The following HINFP variants were observed in gnomAD, a reference collection of about 807,000 sequenced individuals.
HINFP encodes the protein MBD2 (methyl-CpG-binding protein)-interacting zinc finger protein.
In HINFP, 20 loss-of-function variants were observed where a neutral mutation model predicts 50.1. The observed-to-expected ratio is 0.40, with a 90% CI of 0.28 to 0.58. HINFP has a LOEUF of 0.58. HINFP is among the 20% of genes least tolerant of loss of function. The pLI, the probability that HINFP is intolerant of heterozygous loss-of-function variation, is 0.45. For missense variants in HINFP, 505 were observed against 664.1 expected, an observed-to-expected ratio of 0.76 and a Z score of 2.63; for synonymous variants, 247 against 243.7, an observed-to-expected ratio of 1.01 and a Z score of -0.13.
chr11:119,127,592 G>A (rs1947485857), intron 2 of HINFP: 1 of 151,408 alleles, frequency 6.6e-6, no homozygotes, highest in Non-Finnish European at 1.5e-5. Flanking sequence ...CACCCAGGTT[G>A]GAGTCCAGTG....
intron 1 of HINFP, 56 bp from the exon 2 acceptor site, chr11:119,126,879 C>T: frequency 6.6e-7 from 1 of 1,513,966 alleles, no homozygotes. Context: ...GCTTTTTGCC[C>T]TCAGCAGCAC....
rs1947772368 is a variant in HINFP at position 119,131,770 on chromosome 11, A to C, written c.524-60A>C. 2.5e-6 allele frequency: 4 copies of C among 1,609,504 alleles called. No individual in the cohort carries two copies. The highest frequency in any genetic ancestry group is 3.4e-6 in the Non-Finnish European group (4 of 1,176,996). ...CTGCCGGCTGGAGAGACTCAGGGGT[A>C]CCAGATCCTAGGCAAAACTGGGGTT... On this transcript the variant is annotated intron_variant, in intron 4 of 9. Transcript: ENST00000350777. The surrounding 1 kb of genome is among the most constrained non-coding windows in gnomAD (Gnocchi z 4.2).
In HINFP at chr11:119,134,256, C is replaced by A; in HGVS notation, c.1312C>A (p.Arg438Ser). ...AGAAACAGTGCCAGGGGAGCCAGGA[C>A]GTAAGGAAGAGGAAGAGGAGGGCAA... The part of the protein sequence containing the change: ...ILETVPGEPG[R>S]KEEEEEGKGS... The change falls in exon 10 of 10, where the codon CGT becomes AGT. Residue 438 changes from arginine to serine, a missense_variant. Physicochemically the swap from Arg to Ser is moderately radical, Grantham distance 110. Transcript: ENST00000350777. The surrounding 1 kb of genome is among the most constrained non-coding windows in gnomAD (Gnocchi z 4.3). 1 of 1,614,036 alleles carries A rather than the reference C, an allele frequency of 6.2e-7. No individual in the cohort carries two copies.
chr11:119,131,833 G>A lies in HINFP; in HGVS notation c.527G>A (p.Cys176Tyr). The A allele has an allele frequency of 1.2e-6, 2 of 1,614,000 alleles. No individual in the cohort carries two copies. The highest frequency in any genetic ancestry group is 1.7e-6 in the Non-Finnish European group (2 of 1,180,020). The change falls in exon 5 of 10, where the codon TGT (cysteine) becomes TAT (tyrosine). Residue 176 changes from cysteine (C) to tyrosine (Y), a missense_variant. Transcript: ENST00000350777. The surrounding 1 kb of genome is among the most constrained non-coding windows in gnomAD (Gnocchi z 4.2). ...ACTGATAGGGCTTCCTTCCCAGGCT[G>A]TACCTGCACCTTCAAGGACCGCAGT... Reference protein sequence around the residue: ...NPVVLCGWKGCTCTFKDRSKL... With the variant: ...NPVVLCGWKGYTCTFKDRSKL...
intron 9 of HINFP, chr11:119,133,819 T>A (rs1033377354): frequency 1.8e-6 from 1 of 567,864 alleles, no homozygotes; most frequent in African/African-American, 1.9e-5. Context: ...ATAAATCCTT[T>A]GACACTTTCA....
At chr11:119,130,561 A>G in intron 2 of HINFP, 164 bp from the exon 3 acceptor site, 2 of 615,518 alleles carry the variant, frequency 3.2e-6, no homozygotes, top group South Asian at 2.0e-5. Flanking sequence ...CACACAATTT[A>G]TGGTCATTAA....
chr11:119,124,028 C>T (rs1334001231), intron 1 of HINFP: 2 of 152,140 alleles, frequency 1.3e-5, no homozygotes, highest in African/African-American at 4.8e-5. Context: ...CCATGTTGCC[C>T]AGGCTGGTCA....
In HINFP at chr11:119,130,826, C is replaced by A; in HGVS notation, c.283C>A (p.Leu95Met). Residue 95 changes from leucine (L) to methionine (M), a missense_variant, in exon 3 of 10, where the codon CTG becomes ATG. Physicochemically the swap from Leu to Met is conservative, Grantham distance 15 (BLOSUM62 2). Coordinates refer to ENST00000350777, the MANE Select transcript of HINFP (RefSeq NM_198971.3). ...CTACTTCCACTGCTACCACACCAAGCTGAAACAGTGGGGGCTGCAGGCCTT... is the reference window on the plus strand; with the variant it reads ...CTACTTCCACTGCTACCACACCAAGATGAAACAGTGGGGGCTGCAGGCCTT... ...HVYFHCYHTK[L>M]KQWGLQALQS... The A allele has an allele frequency of 6.2e-7, 1 of 1,614,244 alleles. No individual in the cohort carries two copies. Among genetic ancestry groups the A allele is most frequent in the Non-Finnish European group, 8.5e-7 (1 of 1,180,052 alleles).
chr11:119,130,696 G>T, intron 2 of HINFP, 29 bp from the exon 3 acceptor site: 4 of 1,598,344 alleles, frequency 2.5e-6, no homozygotes, highest in South Asian at 2.2e-5. Flanking sequence ...GAAAGTGTCA[G>T]ACTCTTCCTT....
At chr11:119,130,312 TACTC>T (rs1376089512) in intron 2 of HINFP, 1 of 224,002 alleles carries the variant, frequency 4.5e-6, no homozygotes, top group Non-Finnish European at 8.9e-6. Flanking sequence ...TATTTACAGA[TACTC>T]ATCCATCGTA....
rs764862206 is a variant in HINFP at position 119,131,867 on chromosome 11, A to G, written c.561A>G (p.Arg187=). The change falls in exon 5 of 10, where the codon CGA becomes CGG. Residue 187 remains arginine, a synonymous_variant. Transcript: ENST00000350777. The surrounding 1 kb of genome is among the most constrained non-coding windows in gnomAD (Gnocchi z 4.2). ...TCTFKDRSKL[R]EHLRSHTQEK... Reference sequence around the variant, plus strand: ...CCTTCAAGGACCGCAGTAAACTTCGAGAGCACCTCCGCAGCCATACCCAGG... The same window carrying G: ...CCTTCAAGGACCGCAGTAAACTTCGGGAGCACCTCCGCAGCCATACCCAGG... 1 of 1,614,186 alleles carries G rather than the reference A, an allele frequency of 6.2e-7. No individual in the cohort carries two copies. Among genetic ancestry groups the G allele is most frequent in the South Asian group, 1.1e-5 (1 of 91,082 alleles).
At chr11:119,132,611 C>A in intron 6 of HINFP, 38 bp downstream of exon 6, 1 of 1,614,098 alleles carries the variant, frequency 6.2e-7, no homozygotes, top group Non-Finnish European at 8.5e-7. Flanking sequence ...CTCCTGCCCT[C>A]CAAGGTTCCA....
At chr11:119,128,781 C>T (rs1276054029) in intron 2 of HINFP, among the ~76,000 whole-genome samples, 1 of 151,762 alleles carries the variant, frequency 6.6e-6, no homozygotes, top group African/African-American at 2.4e-5. Context: ...TCACTGCAAC[C>T]TCCACCTCCC....
chr11:119,127,473 G>GTTTTTTTTTTTTTTT (rs57165169), intron 2 of HINFP: 20 of 68,908 alleles, frequency 2.9e-4, no homozygotes, highest in East Asian at 9.2e-4. Context: ...TTGTTGTTGT[G>GTTTTTTTTTTTTTTT]TTTTTTTTTT....
intron 2 of HINFP, 123 bp downstream of exon 2, chr11:119,127,248 G>C: frequency 1.2e-6 from 1 of 801,422 alleles, no homozygotes; most frequent in Non-Finnish European, 1.9e-6. Flanking sequence ...TTGTGTTTTT[G>C]TTGTATATAA....
chr11:119,129,754 G>T (rs1235495952), intron 2 of HINFP: 1 of 152,116 alleles, frequency 6.6e-6, no homozygotes, highest in African/African-American at 2.4e-5. Flanking sequence ...GTGAGCCACC[G>T]CACCCGGCCC....
At chr11:119,124,279 C>T (rs1947261997) in intron 1 of HINFP, 1 of 152,168 alleles carries the variant, frequency 6.6e-6, no homozygotes, top group Non-Finnish European at 1.5e-5. Context: ...GTATTGGGGG[C>T]ATGAAGGATC....
Position 119,131,091 on chromosome 11 carries a change from ATTTG to A in HINFP, c.411+141_411+144del, listed in dbSNP as rs1565797197. The A allele has an allele frequency of 1.2e-6, 1 of 817,412 alleles. No individual in the cohort carries two copies. The highest frequency in any genetic ancestry group is 1.7e-5 in the African/African-American group (1 of 59,312). 50.6% of individuals were successfully genotyped at this position (817,412 alleles called of 1,614,324 possible). ...CTTCCATTTCTTTTGCTCTTTTAAAATTTGTTTATTTTTTACACACAGGCTCTTG... is the reference window on the plus strand; with the variant it reads ...CTTCCATTTCTTTTGCTCTTTTAAAATTTATTTTTTACACACAGGCTCTTG... On this transcript the variant is annotated intron_variant, in intron 3 of 9. Transcript: ENST00000350777. This position sits in a 1 kb window ranked among gnomAD's most constrained non-coding sequence, Gnocchi z 4.2.
rs963093960 is a variant in HINFP, at chr11:119,130,899, G to A, written c.356G>A (p.Arg119Gln). ...LGPCILDFQS[R>Q]NVIPDIPDHF... is the part of the protein sequence containing the mutation. ...CCCTGCATCCTGGACTTCCAGAGCC[G>A]GAACGTCATCCCTGATATCCCTGAC... The change falls in exon 3 of 10, where the codon CGG (arginine) becomes CAG (glutamine). Residue 119 changes from arginine (R) to glutamine (Q), a missense_variant. Arg to Gln is a conservative substitution (Grantham distance 43). Coordinates refer to ENST00000350777, the MANE Select transcript of HINFP (RefSeq NM_198971.3). 5.6e-6 allele frequency: 9 copies of A among 1,614,100 alleles called. No homozygotes were observed. Among genetic ancestry groups the A allele is most frequent in the African/African-American group, 4.0e-5 (3 of 74,930 alleles).
Sources: gnomAD v4.1 joint callset for allele counts (sites outside exome capture counted in the v4.1 genomes callset) on GRCh38, gnomAD v4.1.1 for gene constraint, Gnocchi (gnomAD v3.1) non-coding constraint, MANE v1.5 for transcripts, NCBI Gene and HGNC (gene_info 2026-07-23, HGNC 2026-07-21) for gene names.